Variants in GALNT13 observed in about 807,000 individuals in gnomAD.
GALNT13 encodes the protein polypeptide N-acetylgalactosaminyltransferase 13, also known as UDP-GalNAc:polypeptide N-acetylgalactosaminyltransferase 13.
Under a neutral mutation model 64.2 loss-of-function variants are expected in GALNT13, and 28 were observed. The ratio of observed to expected loss-of-function variants is 0.44; its 90% CI spans 0.32 to 0.60. GALNT13 has a LOEUF of 0.60. Among genes scored for constraint, GALNT13 ranks in the 20% least tolerant of loss-of-function variants. The probability of loss-of-function intolerance (pLI) is 0.05; values close to 1 mark genes in which losing one functional copy is unlikely to be tolerated. For missense variants in GALNT13, 577 were observed against 669.8 expected (o/e 0.86, Z 1.53); for synonymous variants, 214 against 224.6 (o/e 0.95, Z 0.42).
intron 11 of GALNT13, among the ~76,000 whole-genome samples, chr2:154,423,831 A>G (rs183943000): frequency 1.3e-5 from 2 of 152,310 alleles, no homozygotes; most frequent in East Asian, 1.9e-4. Flanking sequence ...GCAACTTTAC[A>G]ATGGAGAAAT....
intron 3 of GALNT13, among the ~76,000 whole-genome samples, chr2:154,095,379 T>C (rs931165111): frequency 2.0e-5 from 3 of 151,886 alleles, no homozygotes; most frequent in Non-Finnish European, 4.4e-5. Context: ...CAAATTTGTG[T>C]TTTAAAAATG....
chr2:153,621,414 T>A, the GALNT13 span, among the ~76,000 whole-genome samples: 1 of 152,106 alleles, frequency 6.6e-6, no homozygotes, highest in African/African-American at 2.4e-5. Flanking sequence ...AGAACAGCAC[T>A]GGGTCTTGCC....
chr2:153,896,633 T>C (rs1361876902), intron 1 of GALNT13, among the ~76,000 whole-genome samples: 1 of 152,080 alleles, frequency 6.6e-6, no homozygotes, highest in Non-Finnish European at 1.5e-5. Flanking sequence ...ATTTGTTATA[T>C]AGGCTAATTG....
At chr2:153,137,498 T>A in the GALNT13 span, among the ~76,000 whole-genome samples, 10 of 152,162 alleles carry the variant, frequency 6.6e-5, no homozygotes, top group Admixed American at 2.0e-4. Flanking sequence ...ATGTTATAAT[T>A]ACTTGTCAAA....
At chr2:153,562,060 C>CTCTGTGTG in the GALNT13 span, among the ~76,000 whole-genome samples, 714 of 118,904 alleles carry the variant, frequency 6.0e-3, 5 homozygotes, top group African/African-American at 0.022. Flanking sequence ...CTCTCTCTCT[C>CTCTGTGTG]TGTGTGTGTG....
chr2:153,382,422 G>T, the GALNT13 span, among the ~76,000 whole-genome samples: 37,345 of 151,830 alleles, frequency 0.25, 4,738 homozygotes, highest in South Asian at 0.3. Flanking sequence ...GTGACATGTG[G>T]TGTTGGGTTT....
chr2:154,029,229 A>G (rs1698183653), intron 3 of GALNT13, among the ~76,000 whole-genome samples: 2 of 151,260 alleles, frequency 1.3e-5, no homozygotes, highest in African/African-American at 2.4e-5. Context: ...CTCTGAAAGC[A>G]TCTCTTCTGA....
intron 8 of GALNT13, among the ~76,000 whole-genome samples, chr2:154,297,338 C>A (rs528660420): frequency 2.6e-5 from 4 of 152,218 alleles, no homozygotes; most frequent in African/African-American, 9.6e-5. Flanking sequence ...GCCGCGGAAA[C>A]AGAGAGAGGG....
chr2:154,003,059 G>A (rs1271517980), intron 3 of GALNT13, among the ~76,000 whole-genome samples: 1 of 152,036 alleles, frequency 6.6e-6, no homozygotes, highest in Non-Finnish European at 1.5e-5. Context: ...CAGGGTTTTG[G>A]GCCTTCACAT....
the GALNT13 span, among the ~76,000 whole-genome samples, chr2:153,775,851 C>T: frequency 6.6e-6 from 1 of 152,068 alleles, no homozygotes; most frequent in Non-Finnish European, 1.5e-5. Flanking sequence ...AAATTAGGTT[C>T]ACACTAAATA....
At chr2:153,238,151 T>A in the GALNT13 span, among the ~76,000 whole-genome samples, 1 of 152,256 alleles carries the variant, frequency 6.6e-6, no homozygotes, top group Middle Eastern at 3.4e-3. Flanking sequence ...GAAATATCTA[T>A]TCAAGTCTCT....
chr2:153,248,001 G>T, the GALNT13 span, among the ~76,000 whole-genome samples: 469 of 152,216 alleles, frequency 3.1e-3, 4 homozygotes, highest in Non-Finnish European at 2.9e-3. Flanking sequence ...ACCCTCCCAG[G>T]ACTAAACCAG....
the GALNT13 span, among the ~76,000 whole-genome samples, chr2:153,683,095 C>T: frequency 1.3e-5 from 2 of 151,648 alleles, no homozygotes; most frequent in South Asian, 2.1e-4. Context: ...GACTAAGATC[C>T]TTAAAAGGAT....
rs70983716 is a variant in GALNT13, at chr2:154,306,618, T to TGGGGG, written c.1156+5035_1156+5039dup. On this transcript the variant is annotated intron_variant, in intron 9 of 12. Coordinates refer to ENST00000392825, the MANE Select transcript of GALNT13 (RefSeq NM_052917.4). Reference sequence around the variant, plus strand: ...ATCAAGGTTTTTAAGGATAATTTGGTGGGGGGGGGGTCAAGAAATGGGGAG... The same window carrying TGGGGG: ...ATCAAGGTTTTTAAGGATAATTTGGTGGGGGGGGGGGGGGGTCAAGAAATGGGGAG... Among the ~76,000 whole-genome samples the TGGGGG allele has an allele frequency of 1.0e-3, 127 of 125,864 alleles. 1 individual carries two copies. Among genetic ancestry groups the TGGGGG allele is most frequent in the Non-Finnish European group, 1.6e-3 (94 of 59,932 alleles). 82.6% of individuals were successfully genotyped at this position (125,864 alleles called of 152,430 possible).
the GALNT13 span, among the ~76,000 whole-genome samples, chr2:153,764,677 A>G: frequency 6.6e-6 from 1 of 152,252 alleles, no homozygotes; most frequent in Non-Finnish European, 1.5e-5. Context: ...CCAAATGTTA[A>G]TCACCATGAC....
chr2:153,083,487 A>C, the GALNT13 span, among the ~76,000 whole-genome samples: 2 of 152,176 alleles, frequency 1.3e-5, no homozygotes, highest in African/African-American at 4.8e-5. Context: ...TTCCCTGATC[A>C]TTAATGAATT....
the GALNT13 span, among the ~76,000 whole-genome samples, chr2:153,090,326 C>T: frequency 2.0e-5 from 3 of 152,184 alleles, no homozygotes; most frequent in Non-Finnish European, 4.4e-5. Context: ...ACTGTGGCTA[C>T]CAGCATCTGC....
chr2:153,938,791 T>A (rs1346946312), intron 2 of GALNT13, among the ~76,000 whole-genome samples: 1 of 152,084 alleles, frequency 6.6e-6, no homozygotes, highest in Non-Finnish European at 1.5e-5. Flanking sequence ...CATATTAGAT[T>A]AGGGTCCACC....
the GALNT13 span, among the ~76,000 whole-genome samples, chr2:153,380,987 G>A: frequency 6.6e-6 from 1 of 152,000 alleles, no homozygotes; most frequent in East Asian, 1.9e-4. Context: ...CACCCAGGCT[G>A]GAGTGCAGTG....
Sources: allele counts gnomAD v4.1 joint callset (sites outside exome capture counted in the v4.1 genomes callset), GRCh38; gene constraint gnomAD v4.1.1; transcripts MANE v1.5; gene names NCBI Gene and HGNC (gene_info 2026-07-23, HGNC 2026-07-21).